PLEKHA5: variants seen among roughly 807,000 people sequenced by gnomAD.
The protein encoded by PLEKHA5 is pleckstrin homology domain containing A5.
PLEKHA5 carries 55 observed loss-of-function variants against 181.9 expected under a neutral mutation model. The ratio of observed to expected loss-of-function variants is 0.30; its 90% CI spans 0.24 to 0.38. The LOEUF is 0.38. Ranked by LOEUF, PLEKHA5 falls within the 10% of genes least tolerant of loss-of-function variation. The pLI is 1.00. For missense variants in PLEKHA5, 1,432 were observed against 1,549.5 expected (o/e 0.92, Z 1.27); for synonymous variants, 535 against 529.4 (o/e 1.01, Z -0.15).
intron 3 of PLEKHA5, among the ~76,000 whole-genome samples, chr12:19,230,672 G>A (rs555093076): frequency 1.3e-5 from 2 of 152,244 alleles, no homozygotes; most frequent in South Asian, 2.1e-4. Flanking sequence ...CGGAGCCTGT[G>A]CCCACCTGAA....
intron 11 of PLEKHA5, among the ~76,000 whole-genome samples, chr12:19,278,220 C>A (rs536482053): frequency 3.3e-5 from 5 of 152,208 alleles, no homozygotes; most frequent in African/African-American, 1.2e-4. Flanking sequence ...ATTAATTAGG[C>A]AAGCTTACTA....
intron 18 of PLEKHA5, chr12:19,320,837 A>T (rs576887917): frequency 2.7e-5 from 8 of 298,960 alleles, no homozygotes; most frequent in African/African-American, 1.3e-4. Flanking sequence ...ATTAAGCATC[A>T]CTTAAATGAA....
chr12:19,347,237 G>T, intron 24 of PLEKHA5, 55 bp downstream of exon 24: 2 of 1,034,018 alleles, frequency 1.9e-6, no homozygotes, highest in Non-Finnish European at 2.7e-6. Context: ...TCTCATTTTT[G>T]AAAATTAATT....
At chr12:19,325,795 G>A (rs950883106) in intron 20 of PLEKHA5, among the ~76,000 whole-genome samples, 6 of 151,744 alleles carry the variant, frequency 4.0e-5, no homozygotes, top group South Asian at 2.1e-4. Context: ...GATCACCTGC[G>A]GCCAGGAGTT....
chr12:19,252,672 G>C, intron 3 of PLEKHA5, among the ~76,000 whole-genome samples: 1 of 151,960 alleles, frequency 6.6e-6, no homozygotes, highest in East Asian at 1.9e-4. Flanking sequence ...CTTTGTTTTT[G>C]TTGTTGTTTC....
intron 7 of PLEKHA5, among the ~76,000 whole-genome samples, chr12:19,261,372 A>G (rs926745203): frequency 6.6e-6 from 1 of 152,198 alleles, no homozygotes; most frequent in Non-Finnish European, 1.5e-5. Context: ...TCAAGCACCC[A>G]ATTCTGCTCC....
intron 6 of PLEKHA5, among the ~76,000 whole-genome samples, chr12:19,260,356 T>C (rs2068099107): frequency 6.6e-6 from 1 of 152,208 alleles, no homozygotes; most frequent in South Asian, 2.1e-4. Context: ...CAGATGTTTG[T>C]GTTGAGAAGA....
At chr12:19,285,185 G>A (rs543963883) in intron 12 of PLEKHA5, among the ~76,000 whole-genome samples, 2 of 152,168 alleles carry the variant, frequency 1.3e-5, no homozygotes, top group African/African-American at 4.8e-5. Flanking sequence ...TTTTTCCAAA[G>A]ACTAAATCAT....
intron 3 of PLEKHA5, among the ~76,000 whole-genome samples, chr12:19,213,884 T>G (rs2057440220): frequency 6.6e-6 from 1 of 152,140 alleles, no homozygotes; most frequent in South Asian, 2.1e-4. Context: ...AGATTGGACC[T>G]TTTAAGTTTG....
At chr12:19,165,732 A>G (rs1375583714) in intron 3 of PLEKHA5, among the ~76,000 whole-genome samples, 1 of 152,130 alleles carries the variant, frequency 6.6e-6, no homozygotes, top group Non-Finnish European at 1.5e-5. Context: ...AGTAGTTTGT[A>G]CTGTCATTTA....
intron 12 of PLEKHA5, among the ~76,000 whole-genome samples, chr12:19,284,466 T>C (rs1035694292): frequency 2.6e-5 from 4 of 152,222 alleles, no homozygotes; most frequent in African/African-American, 9.6e-5. Context: ...CTCATCCTGT[T>C]GTTCATGAGG....
At chr12:19,166,486 A>G (rs961582022) in intron 3 of PLEKHA5, among the ~76,000 whole-genome samples, 18 of 151,938 alleles carry the variant, frequency 1.2e-4, no homozygotes, top group Non-Finnish European at 2.5e-4. Context: ...TCTTTCACAC[A>G]TTATTGATTA....
intron 3 of PLEKHA5, among the ~76,000 whole-genome samples, chr12:19,177,157 C>T (rs1239982910): frequency 2.0e-5 from 3 of 152,112 alleles, no homozygotes; most frequent in Non-Finnish European, 4.4e-5. Context: ...TGAGCCACCA[C>T]GCAGGGCCCA....
rs567793715 is a variant in PLEKHA5 at position 19,210,219 on chromosome 12, T to C, written c.228-43721T>C. 2.0e-5 allele frequency among the ~76,000 whole-genome samples: 3 copies of C among 152,344 alleles called. No homozygotes were observed. In the East Asian group the frequency reaches 5.8e-4, roughly 29 times the overall value. Reference sequence around the variant, plus strand: ...GTTAAGGATTAGTTTATAATATTTATCTTTTCTTTCATTTTTCCACAGACG... The same window carrying C: ...GTTAAGGATTAGTTTATAATATTTACCTTTTCTTTCATTTTTCCACAGACG... On this transcript the variant is annotated intron_variant, in intron 3 of 31. Coordinates refer to ENST00000429027, the MANE Select transcript of PLEKHA5 (RefSeq NM_001256470.2).
intron 6 of PLEKHA5, among the ~76,000 whole-genome samples, chr12:19,258,240 A>C (rs1314352636): frequency 6.6e-6 from 1 of 152,164 alleles, no homozygotes; most frequent in Non-Finnish European, 1.5e-5. Context: ...TCGATTACAT[A>C]GAGGCTATTT....
chr12:19,134,918 T>C (rs975099885), intron 3 of PLEKHA5, among the ~76,000 whole-genome samples: 2 of 152,198 alleles, frequency 1.3e-5, no homozygotes, highest in African/African-American at 4.8e-5. Context: ...CTATAGTTTT[T>C]CATTGTCATT....
intron 10 of PLEKHA5, among the ~76,000 whole-genome samples, chr12:19,273,097 C>T (rs970202678): frequency 6.6e-6 from 1 of 151,942 alleles, no homozygotes. Context: ...TTCGTAGAGA[C>T]GGGGTCTCAC....
chr12:19,197,323 T>C (rs575315556), intron 3 of PLEKHA5, among the ~76,000 whole-genome samples: 2 of 152,298 alleles, frequency 1.3e-5, no homozygotes, highest in Non-Finnish European at 2.9e-5. Context: ...TTTTCAAATA[T>C]GTCACCAATA....
chr12:19,196,812 C>T (rs141129566), intron 3 of PLEKHA5, among the ~76,000 whole-genome samples: 111 of 122,436 alleles, frequency 9.1e-4, no homozygotes, highest in East Asian at 2.5e-3. Flanking sequence ...TTTTTTTTTT[C>T]TTTTTTTTTT....
Sources: gnomAD v4.1 joint callset for allele counts (sites outside exome capture counted in the v4.1 genomes callset) on GRCh38, gnomAD v4.1.1 for gene constraint, MANE v1.5 for transcripts, NCBI Gene and HGNC (gene_info 2026-07-23, HGNC 2026-07-21) for gene names.